The following UBE4B variants were observed in gnomAD, a reference collection of about 807,000 sequenced individuals.
The protein encoded by UBE4B is ubiquitination factor E4B.
Under a neutral mutation model 148.1 loss-of-function variants are expected in UBE4B, and 27 were observed. The observed-to-expected ratio is 0.18, with a 90% CI of 0.13 to 0.25. The LOEUF is 0.25. Ranked by LOEUF, UBE4B falls within the 10% of genes least tolerant of loss-of-function variation. The pLI, the probability that UBE4B is intolerant of heterozygous loss-of-function variation, is 1.00. For synonymous variants in UBE4B, 596 were observed against 619.3 expected (o/e 0.96, Z 0.56); for missense variants, 1,170 against 1,662.4 (o/e 0.70, Z 5.15).
Position 10,161,793 on chromosome 1 carries a change from C to G in UBE4B, c.3198+507C>G, listed in dbSNP as rs1431851359. The stretch of plus-strand genomic sequence containing the variant: ...GGTTCCATGGAAAGCACGTGCCGTG[C>G]CAGTACCAGTGCTCTTTCCTGACGT... On this transcript the variant is annotated intron_variant, in intron 23 of 27. Coordinates refer to ENST00000343090, the MANE Select transcript of UBE4B (RefSeq NM_001105562.3). This position sits in a 1 kb window ranked among gnomAD's most constrained non-coding sequence, Gnocchi z 4.1. Among the ~76,000 whole-genome samples, 1 of 152,122 alleles carries G rather than the reference C, an allele frequency of 6.6e-6. No individual in the cohort carries two copies. Among genetic ancestry groups the G allele is most frequent in the African/African-American group, 2.4e-5 (1 of 41,424 alleles).
At chr1:10,084,256 G>A (rs1054551878) in intron 2 of UBE4B, among the ~76,000 whole-genome samples, 1 of 152,152 alleles carries the variant, frequency 6.6e-6, no homozygotes, top group Non-Finnish European at 1.5e-5. Flanking sequence ...TGTCCCTTAA[G>A]GATCTTATGG....
chr1:10,042,035 A>G (rs548598851), intron 1 of UBE4B, among the ~76,000 whole-genome samples: 4 of 152,228 alleles, frequency 2.6e-5, no homozygotes, highest in Admixed American at 2.0e-4. Flanking sequence ...CCTGAATTCA[A>G]GCGATTCTCC....
At chr1:10,059,398 G>A (rs1644241823) in intron 1 of UBE4B, 1 of 204,734 alleles carries the variant, frequency 4.9e-6, no homozygotes. Context: ...CTTTTGGAAT[G>A]AAGAAATAAT....
At chr1:10,053,687 CTTTTT>C (rs916430073) in intron 1 of UBE4B, among the ~76,000 whole-genome samples, 1 of 147,180 alleles carries the variant, frequency 6.8e-6, no homozygotes, top group Non-Finnish European at 1.5e-5. Context: ...ATTTTGAAAA[CTTTTT>C]TTTTTTGAGA....
chr1:10,177,968 G>A (rs1379749141), intron 25 of UBE4B, among the ~76,000 whole-genome samples: 2 of 151,972 alleles, frequency 1.3e-5, no homozygotes. Flanking sequence ...TTCAAGTTCA[G>A]ATTTGTCTGG....
intron 25 of UBE4B, among the ~76,000 whole-genome samples, chr1:10,174,287 G>A (rs1646382487): frequency 6.6e-6 from 1 of 151,500 alleles, no homozygotes; most frequent in Non-Finnish European, 1.5e-5. Context: ...CCAGCTACTC[G>A]GAGGCTGAGG....
intron 2 of UBE4B, among the ~76,000 whole-genome samples, chr1:10,083,485 C>G (rs1644716435): frequency 6.6e-6 from 1 of 152,198 alleles, no homozygotes; most frequent in Non-Finnish European, 1.5e-5. Flanking sequence ...GGTAAGTTGT[C>G]TTTGGCTAAG....
chr1:10,178,900 A>G (rs1646466364), intron 26 of UBE4B, 82 bp downstream of exon 26: 3 of 1,436,194 alleles, frequency 2.1e-6, no homozygotes, highest in South Asian at 1.5e-5. Flanking sequence ...GTCCTGTGCA[A>G]TTAATTTTTT....
chr1:10,137,240 G>A (rs752128760), intron 17 of UBE4B, 35 bp downstream of exon 17: 18 of 1,612,108 alleles, frequency 1.1e-5, no homozygotes, highest in Non-Finnish European at 1.4e-5. Flanking sequence ...GGGATTGCCT[G>A]AGTTACCACT....
chr1:10,081,828 G>A (rs1011118868), intron 2 of UBE4B, among the ~76,000 whole-genome samples: 1 of 151,680 alleles, frequency 6.6e-6, no homozygotes, highest in African/African-American at 2.4e-5. Flanking sequence ...ACCTCAGGTG[G>A]GCTGCCCGCT....
rs5772395 is a variant in UBE4B at position 10,082,632 on chromosome 1, C to CTTTT, written c.211+10440_211+10443dup. The stretch of plus-strand genomic sequence containing the variant: ...ACTGTAGGTCCTATTAAGAAGGCGA[C>CTTTT]TTTTTTTTTTTTTTTTTTTTTTTTT... On this transcript the variant is annotated intron_variant, in intron 2 of 27. Coordinates refer to ENST00000343090, the MANE Select transcript of UBE4B (RefSeq NM_001105562.3). Among the ~76,000 whole-genome samples the CTTTT allele has an allele frequency of 1.4e-4, 15 of 105,892 alleles. No individual in the cohort carries two copies. The East Asian group carries it at 2.0e-3, about 14-fold the overall frequency. The allele number at this position is 105,892 out of a possible 152,430, so 69.5% of individuals were successfully genotyped here.
intron 23 of UBE4B, among the ~76,000 whole-genome samples, chr1:10,167,847 G>A (rs1302993218): frequency 6.6e-6 from 1 of 152,062 alleles, no homozygotes; most frequent in East Asian, 1.9e-4. Flanking sequence ...CCTTGGCTTC[G>A]CAAAGTGCTG....
intron 7 of UBE4B, among the ~76,000 whole-genome samples, chr1:10,109,716 T>TCTCGGCTCACTGCAAC (rs1240087109): frequency 6.6e-6 from 1 of 151,972 alleles, no homozygotes. Context: ...AGTGGAGCGA[T>TCTCGGCTCACTGCAAC]CTCGGCTCAC....
intron 1 of UBE4B, among the ~76,000 whole-genome samples, chr1:10,035,402 T>G (rs1373424058): frequency 8.8e-5 from 12 of 136,418 alleles, no homozygotes; most frequent in Admixed American, 2.2e-4. Flanking sequence ...TTTTTTTTTT[T>G]TTTTTTTTTT....
intron 1 of UBE4B, among the ~76,000 whole-genome samples, chr1:10,070,369 A>G (rs1644463422): frequency 6.6e-6 from 1 of 151,860 alleles, no homozygotes; most frequent in Non-Finnish European, 1.5e-5. Context: ...CTGATTACTC[A>G]TAGTTGTAAG....
intron 21 of UBE4B, among the ~76,000 whole-genome samples, chr1:10,157,154 A>G (rs1295345273): frequency 6.6e-6 from 1 of 152,178 alleles, no homozygotes; most frequent in African/African-American, 2.4e-5. Flanking sequence ...AGCTGGAATT[A>G]TGGGCACACA....
At chr1:10,124,985 G>C (rs1645468650) in intron 10 of UBE4B, among the ~76,000 whole-genome samples, 1 of 152,238 alleles carries the variant, frequency 6.6e-6, no homozygotes, top group Middle Eastern at 3.4e-3. Context: ...AAATTAGCTG[G>C]CGCAGAAGTG....
intron 7 of UBE4B, among the ~76,000 whole-genome samples, chr1:10,116,257 C>T (rs1365398503): frequency 2.6e-5 from 4 of 152,128 alleles, no homozygotes; most frequent in African/African-American, 7.2e-5. Context: ...ATTCTTGTGC[C>T]TCAGCCTCCT....
At chr1:10,082,072 T>C (rs948147760) in intron 2 of UBE4B, among the ~76,000 whole-genome samples, 6 of 152,208 alleles carry the variant, frequency 3.9e-5, no homozygotes, top group Admixed American at 3.3e-4. Flanking sequence ...TGTTTGTTTA[T>C]GTTGGTTGTT....
Sources: gnomAD v4.1 joint callset for allele counts (sites outside exome capture counted in the v4.1 genomes callset) on GRCh38, gnomAD v4.1.1 for gene constraint, Gnocchi (gnomAD v3.1) non-coding constraint, MANE v1.5 for transcripts, NCBI Gene and HGNC (gene_info 2026-07-23, HGNC 2026-07-21) for gene names.